Variants in PHF24 observed in about 807,000 individuals in gnomAD.
The protein encoded by PHF24 is Galpha inhibitory interacting protein.
In PHF24, 25 loss-of-function variants were observed where a neutral mutation model predicts 42.6. The observed-to-expected ratio is 0.59, with a 90% confidence interval of 0.43 to 0.82. The LOEUF is 0.82. PHF24 is among the 40% of genes least tolerant of loss of function. The pLI is 0.00. For synonymous variants in PHF24, 185 were observed against 204.8 expected, an observed-to-expected ratio of 0.90 and a Z score of 0.83; for missense variants, 470 against 538.1, an observed-to-expected ratio of 0.87 and a Z score of 1.25.
chr9:34,962,377 C>A (rs1188773184), intron 1 of PHF24, among the ~76,000 whole-genome samples: 1 of 150,322 alleles, frequency 6.7e-6, no homozygotes. Flanking sequence ...TTTTCCTTAT[C>A]CACTGATGTA....
At chr9:34,922,683 G>C in the PHF24 span, 1 of 1,327,786 alleles carries the variant, frequency 7.5e-7, no homozygotes, top group East Asian at 2.3e-5. Flanking sequence ...CTGTATTCTT[G>C]AGCCATCTGC....
At chr9:34,709,712 G>A in the PHF24 span, 6 of 1,613,430 alleles carry the variant, frequency 3.7e-6, no homozygotes, top group Non-Finnish European at 4.2e-6. Context: ...AGCCTTCTTA[G>A]TCTTGCCCAC....
At chr9:34,807,776 G>T in the PHF24 span, among the ~76,000 whole-genome samples, 4 of 152,090 alleles carry the variant, frequency 2.6e-5, no homozygotes, top group African/African-American at 9.7e-5. Context: ...TTGTTATGTG[G>T]GAGATGTGAA....
the PHF24 span, among the ~76,000 whole-genome samples, chr9:34,887,279 C>G: frequency 6.6e-6 from 1 of 152,076 alleles, no homozygotes; most frequent in Non-Finnish European, 1.5e-5. Flanking sequence ...CAAATCTATA[C>G]CCCCAATGCT....
chr9:34,875,942 A>ACTCTCTCT, the PHF24 span, among the ~76,000 whole-genome samples: 25 of 86,876 alleles, frequency 2.9e-4, no homozygotes, highest in African/African-American at 1.2e-3. Flanking sequence ...ACACACACAC[A>ACTCTCTCT]CACACACACT....
At chr9:34,848,906 C>A in the PHF24 span, among the ~76,000 whole-genome samples, 5 of 152,068 alleles carry the variant, frequency 3.3e-5, no homozygotes, top group South Asian at 2.1e-4. Context: ...TGTAGTTGAG[C>A]GGTTTTGAGT....
rs201653903 is a variant in PHF24 at position 34,966,105 on chromosome 9, T to TCA, written c.-4-5181_-4-5180dup. ...CAAACTCACTGTTTTGTAGTCTATGTCACACACACAAAAAAAGCAGAGATG... is the reference window on the plus strand; with the variant it reads ...CAAACTCACTGTTTTGTAGTCTATGTCACACACACACAAAAAAAGCAGAGATG... On this transcript the variant is annotated intron_variant, in intron 1 of 7. Transcript: ENST00000242315. 2.8e-3 allele frequency among the ~76,000 whole-genome samples: 427 copies of TCA among 152,304 alleles called. 1 individual carries two copies. Among genetic ancestry groups the TCA allele is most frequent in the African/African-American group, 9.7e-3 (404 of 41,564 alleles).
the PHF24 span, among the ~76,000 whole-genome samples, chr9:34,909,899 T>C: frequency 9.9e-5 from 15 of 152,214 alleles, no homozygotes; most frequent in African/African-American, 3.4e-4. Context: ...AGTGCTGGGA[T>C]TACAGGCGTG....
the PHF24 span, among the ~76,000 whole-genome samples, chr9:34,809,940 C>T: frequency 3.2e-3 from 481 of 149,736 alleles, 5 homozygotes; most frequent in African/African-American, 0.011. This position sits in a 1 kb window ranked among gnomAD's most constrained non-coding sequence, Gnocchi z 4.1. Context: ...CGCGGGGGCG[C>T]GGGGCGGAAC....
the PHF24 span, among the ~76,000 whole-genome samples, chr9:34,807,398 A>G: frequency 6.6e-6 from 1 of 152,234 alleles, no homozygotes; most frequent in African/African-American, 2.4e-5. Flanking sequence ...TGCAGTAAAC[A>G]TTGAAAGAGC....
At chr9:34,931,600 A>T in the PHF24 span, among the ~76,000 whole-genome samples, 2 of 152,068 alleles carry the variant, frequency 1.3e-5, no homozygotes, top group East Asian at 1.9e-4. Context: ...AATAAATAAA[A>T]AATTAAGAAG....
chr9:34,715,816 C>CT, the PHF24 span, among the ~76,000 whole-genome samples: 1 of 152,192 alleles, frequency 6.6e-6, no homozygotes, highest in South Asian at 2.1e-4. Context: ...GGACAGGCAC[C>CT]TGGAGTAGAC....
exon 8 of PHF24, chr9:34,982,199 CTT>C (rs1353861875): frequency 5.9e-5 from 9 of 152,278 alleles, no homozygotes; most frequent in African/African-American, 1.9e-4. Context: ...GTAGCCAGGC[CTT>C]TTCATAGCCA....
the PHF24 span, among the ~76,000 whole-genome samples, chr9:34,846,067 C>T: frequency 6.6e-6 from 1 of 152,060 alleles, no homozygotes; most frequent in Admixed American, 6.6e-5. Context: ...CATACGTGTG[C>T]ATGTGTCTTT....
chr9:34,850,220 C>A, the PHF24 span, among the ~76,000 whole-genome samples: 1 of 152,170 alleles, frequency 6.6e-6, no homozygotes, highest in Non-Finnish European at 1.5e-5. Flanking sequence ...TCCATTCTCC[C>A]TGTCACTTTC....
chr9:34,885,236 C>T, the PHF24 span, among the ~76,000 whole-genome samples: 1 of 152,176 alleles, frequency 6.6e-6, no homozygotes, highest in Admixed American at 6.5e-5. Context: ...GGGACTGGGC[C>T]CCCATCCCTT....
chr9:34,922,982 G>T, the PHF24 span: 1 of 1,023,120 alleles, frequency 9.8e-7, no homozygotes, highest in Non-Finnish European at 1.4e-6. Context: ...CAGTCTACCT[G>T]GGGGGTGCTG....
the PHF24 span, among the ~76,000 whole-genome samples, chr9:34,731,983 T>G: frequency 5.3e-5 from 8 of 151,962 alleles, no homozygotes; most frequent in Admixed American, 3.9e-4. Flanking sequence ...CCCAGGTAGC[T>G]GGGACCACAG....
At chr9:34,690,137 G>A in the PHF24 span, 3 of 1,593,880 alleles carry the variant, frequency 1.9e-6, no homozygotes, top group Non-Finnish European at 2.6e-6. Flanking sequence ...CATGGAGAAG[G>A]GGAATAAGAA....
Sources: gnomAD v4.1 joint callset for allele counts (sites outside exome capture counted in the v4.1 genomes callset) on GRCh38, gnomAD v4.1.1 for gene constraint, Gnocchi (gnomAD v3.1) non-coding constraint, MANE v1.5 for transcripts, NCBI Gene and HGNC (gene_info 2026-07-23, HGNC 2026-07-21) for gene names.